MRNIP: variants seen among roughly 807,000 people sequenced by gnomAD.
MRNIP encodes MRN complex interacting protein, also known as MRN complex-interacting protein.
MRNIP carries 30 observed loss-of-function variants against 29.8 expected under a neutral mutation model. The ratio of observed to expected loss-of-function variants is 1.01; its 90% CI spans 0.75 to 1.36. The LOEUF (loss-of-function observed/expected upper bound fraction) is 1.36. Among genes scored for constraint, MRNIP ranks in the 40% most tolerant of loss-of-function variants. The probability of loss-of-function intolerance (pLI) is 0.00; values close to 1 mark genes in which losing one functional copy is unlikely to be tolerated. For missense variants in MRNIP, 459 were observed against 423.5 expected, an observed-to-expected ratio of 1.08 and a Z score of -0.74; for synonymous variants, 201 against 164.1, an observed-to-expected ratio of 1.23 and a Z score of -1.72.
intron 2 of MRNIP, among the ~76,000 whole-genome samples, chr5:179,851,893 G>C (rs10479452): frequency 1.1e-3 from 166 of 152,088 alleles, no homozygotes; most frequent in African/African-American, 3.8e-3. Context: ...CAGGAGAATG[G>C]CGTAAACCCA....
chr5:179,842,918 A>G (rs1258721774), intron 4 of MRNIP, among the ~76,000 whole-genome samples: 2 of 151,776 alleles, frequency 1.3e-5, no homozygotes, highest in Non-Finnish European at 2.9e-5. Flanking sequence ...CTGTAATCCC[A>G]GCTTCTTGGG....
chr5:179,852,454 G>T (rs1469348887), intron 2 of MRNIP, among the ~76,000 whole-genome samples: 1 of 152,140 alleles, frequency 6.6e-6, no homozygotes, highest in African/African-American at 2.4e-5. Flanking sequence ...ACAAGGTTGG[G>T]CCAGTTCCTT....
rs749485375 is a variant in MRNIP, at chr5:179,837,436, T to C, written c.987A>G (p.Leu329=). 7 of 1,608,566 alleles carry C rather than the reference T, an allele frequency of 4.4e-6. No homozygotes were observed. Among genetic ancestry groups the C allele is most frequent in the South Asian group, 1.1e-5 (1 of 90,704 alleles). The part of the protein sequence containing the change: ...LEAQNPRPTR[L]CDLFITGEDF... The stretch of plus-strand genomic sequence containing the variant: ...CTTCCCCAGTTATAAAGAGGTCACA[T>C]AGTCGTGTGGGTCGAGGATTCTGTG... The change falls in exon 7 of 7, where the codon CTA becomes CTG. Residue 329 remains leucine, a synonymous_variant. Coordinates refer to ENST00000292586, the MANE Select transcript of MRNIP (RefSeq NM_016175.4).
chr5:179,844,326 G>A (rs1759036740), intron 3 of MRNIP, 99 bp from the exon 4 acceptor site: 1 of 939,232 alleles, frequency 1.1e-6, no homozygotes, highest in Non-Finnish European at 1.7e-6. Context: ...GCTGAGGCAG[G>A]TGGATCACCT....
intron 3 of MRNIP, chr5:179,846,288 TTC>T (rs1174881078): frequency 5.3e-5 from 8 of 151,986 alleles, no homozygotes; most frequent in African/African-American, 1.9e-4. Flanking sequence ...GATTCTTTTT[TTC>T]TTTTTTTTTT....
At chr5:179,844,591 T>C (rs1436595038) in intron 3 of MRNIP, among the ~76,000 whole-genome samples, 1 of 152,018 alleles carries the variant, frequency 6.6e-6, no homozygotes, top group Non-Finnish European at 1.5e-5. Context: ...CCTGCCCTTT[T>C]TTTTTCTTCT....
chr5:179,841,126 C>T (rs1758866258), intron 5 of MRNIP, 167 bp from the exon 6 acceptor site: 1 of 585,864 alleles, frequency 1.7e-6, no homozygotes, highest in Admixed American at 3.1e-5. Flanking sequence ...CACTCCCCTG[C>T]TTCACAGCTT....
At chr5:179,840,088 G>C (rs112957510) in intron 6 of MRNIP, 26,670 of 152,172 alleles carry the variant, frequency 0.18, 4,976 homozygotes, top group African/African-American at 0.47. Context: ...GGGATTATAG[G>C]CGTGCACAAC....
Position 179,857,574 on chromosome 5 carries a change from G to C in MRNIP, c.66+1157C>G, listed in dbSNP as rs1582061821. 2.0e-5 allele frequency among the ~76,000 whole-genome samples: 3 copies of C among 152,324 alleles called. No homozygotes were observed. In the Middle Eastern group the frequency reaches 0.01, roughly 518 times the overall value. On this transcript the variant is annotated intron_variant, in intron 1 of 6. Transcript: ENST00000292586. ...AAATGCAAATGATCTCCCTTTATTT[G>C]CAACTCTTAGGACCCAGCTCCCGAA...
intron 6 of MRNIP, chr5:179,840,577 C>T (rs772939624): frequency 1.5e-5 from 8 of 538,778 alleles, no homozygotes; most frequent in Middle Eastern, 4.9e-4. Flanking sequence ...CAGAATGAGA[C>T]GATGGCCCTG....
chr5:179,846,702 T>C (rs1436789480), intron 3 of MRNIP, among the ~76,000 whole-genome samples: 2 of 152,130 alleles, frequency 1.3e-5, no homozygotes, highest in African/African-American at 4.8e-5. Context: ...TCACACAGGG[T>C]ATGTAAAAGG....
intron 6 of MRNIP, 70 bp downstream of exon 6, chr5:179,840,802 A>T: frequency 8.7e-7 from 1 of 1,152,746 alleles, no homozygotes; most frequent in Non-Finnish European, 1.3e-6. Flanking sequence ...GTCAACTGTG[A>T]CAAAAGACAG....
intron 3 of MRNIP, among the ~76,000 whole-genome samples, chr5:179,845,020 T>C (rs1422389081): frequency 6.6e-6 from 1 of 152,194 alleles, no homozygotes; most frequent in African/African-American, 2.4e-5. Flanking sequence ...CCCCATTCTC[T>C]TAATTATCTT....
At chr5:179,857,527 C>G (rs1263321464) in intron 1 of MRNIP, among the ~76,000 whole-genome samples, 1 of 152,036 alleles carries the variant, frequency 6.6e-6, no homozygotes, top group Non-Finnish European at 1.5e-5. Flanking sequence ...CAGCATGAAA[C>G]ATTAGACGTG....
chr5:179,849,958 T>G (rs1419265124), intron 2 of MRNIP, among the ~76,000 whole-genome samples: 1 of 150,336 alleles, frequency 6.7e-6, no homozygotes, highest in Non-Finnish European at 1.5e-5. Flanking sequence ...GGGATGGAAT[T>G]TGAGAGTACG....
At chr5:179,844,772 A>G (rs1027307413) in intron 3 of MRNIP, among the ~76,000 whole-genome samples, 1 of 152,198 alleles carries the variant, frequency 6.6e-6, no homozygotes, top group African/African-American at 2.4e-5. Context: ...CTGCATATAT[A>G]TAGAAATACA....
chr5:179,850,641 C>G (rs948974060), intron 2 of MRNIP, among the ~76,000 whole-genome samples: 1 of 152,174 alleles, frequency 6.6e-6, no homozygotes, highest in African/African-American at 2.4e-5. Flanking sequence ...GGAGCACATT[C>G]GCCTGAGAAC....
chr5:179,857,972 T>C lies in MRNIP; in HGVS notation c.66+759A>G, dbSNP rs570346122. Reference sequence around the variant, plus strand: ...GTTGCGGTGAGCCGAGATCGCGCCATTGCACTCCAGCCTGGGCAACAAGAG... The same window carrying C: ...GTTGCGGTGAGCCGAGATCGCGCCACTGCACTCCAGCCTGGGCAACAAGAG... On this transcript the variant is annotated intron_variant, in intron 1 of 6. Coordinates refer to ENST00000292586, the MANE Select transcript of MRNIP (RefSeq NM_016175.4). Among the ~76,000 whole-genome samples, 8 of 146,664 alleles carry C rather than the reference T, an allele frequency of 5.5e-5. No homozygotes were observed. In the East Asian group the frequency reaches 1.4e-3, roughly 25 times the overall value.
At chr5:179,844,579 C>T (rs780179899) in intron 3 of MRNIP, among the ~76,000 whole-genome samples, 13 of 152,164 alleles carry the variant, frequency 8.5e-5, no homozygotes, top group East Asian at 7.7e-4. Flanking sequence ...CGCACCACTA[C>T]GCCTGCCCTT....
Sources: allele counts gnomAD v4.1 joint callset (sites outside exome capture counted in the v4.1 genomes callset), GRCh38; gene constraint gnomAD v4.1.1; transcripts MANE v1.5; gene names NCBI Gene and HGNC (gene_info 2026-07-23, HGNC 2026-07-21).